UBE3C: variants seen among roughly 807,000 people sequenced by gnomAD.
UBE3C encodes the protein ubiquitin protein ligase E3C, also known as ubiquitin-protein ligase E3C.
A neutral mutation model predicts 129.4 loss-of-function variants in UBE3C; 42 were observed. The ratio of observed to expected loss-of-function variants is 0.32; its 90% CI spans 0.25 to 0.42. The LOEUF (loss-of-function observed/expected upper bound fraction) is 0.42. UBE3C is among the 10% of genes least tolerant of loss of function. The probability of loss-of-function intolerance (pLI) is 1.00; values close to 1 mark genes in which losing one functional copy is unlikely to be tolerated. For missense variants in UBE3C, 1,049 were observed against 1,319.1 expected (o/e 0.80, Z 3.17); for synonymous variants, 510 against 492.4 (o/e 1.04, Z -0.47).
intron 22 of UBE3C, among the ~76,000 whole-genome samples, chr7:157,262,442 A>G (rs1182210918): frequency 2.8e-5 from 1 of 35,846 alleles, no homozygotes; most frequent in Non-Finnish European, 5.2e-5. Context: ...TTTTTGAGAT[A>G]GAGTTTCGCT....
intron 18 of UBE3C, among the ~76,000 whole-genome samples, chr7:157,239,137 A>G (rs1182396): frequency 6.6e-6 from 1 of 152,000 alleles, no homozygotes; most frequent in African/African-American, 2.4e-5. Context: ...TGTACCTATT[A>G]ATTAGAATAC....
intron 14 of UBE3C, 30 bp from the exon 15 acceptor site, chr7:157,220,659 G>A (rs779563503): frequency 3.0e-5 from 49 of 1,613,302 alleles, no homozygotes; most frequent in Non-Finnish European, 3.9e-5. Context: ...AGAGCACAGG[G>A]GAGTTCTGAA....
At chr7:157,206,789 G>A (rs1330516437) in intron 11 of UBE3C, among the ~76,000 whole-genome samples, 1 of 110,834 alleles carries the variant, frequency 9.0e-6, no homozygotes, top group African/African-American at 6.0e-5. Flanking sequence ...CTCTTGATGG[G>A]TGAAAGGCTG....
At position 157,182,366 on chromosome 7, in the gene UBE3C, A is replaced by ATGG. The variant is rs761222014; in HGVS notation, c.991+39_991+41dup. 5.6e-5 allele frequency: 89 copies of ATGG among 1,592,554 alleles called. No individual in the cohort carries two copies. The East Asian group carries it at 1.9e-3, about 34-fold the overall frequency. On this transcript the variant is annotated intron_variant, in intron 8 of 22. Coordinates refer to ENST00000348165, the MANE Select transcript of UBE3C (RefSeq NM_014671.3). ...AGATCTTTTTTACCTGAACACACAT[A>ATGG]TGGGTAGCATTGGCAGATGAGTCAA...
chr7:157,239,018 G>T (rs1317286826), intron 18 of UBE3C, among the ~76,000 whole-genome samples: 3 of 152,176 alleles, frequency 2.0e-5, no homozygotes, highest in Non-Finnish European at 4.4e-5. Context: ...TTTCTGTGGC[G>T]TGGTGAAGGC....
intron 1 of UBE3C, among the ~76,000 whole-genome samples, chr7:157,152,364 G>C (rs1004547944): frequency 6.6e-6 from 1 of 152,120 alleles, no homozygotes; most frequent in Admixed American, 6.6e-5. Flanking sequence ...AGAGATGCGT[G>C]GGGGGCAGTT....
chr7:157,228,022 AATTT>A (rs1216101294), intron 17 of UBE3C, among the ~76,000 whole-genome samples: 3 of 152,254 alleles, frequency 2.0e-5, no homozygotes, highest in Non-Finnish European at 4.4e-5. Flanking sequence ...CAGAATAATT[AATTT>A]ACTTGTGAGA....
intron 5 of UBE3C, among the ~76,000 whole-genome samples, chr7:157,178,339 A>G (rs1808579378): frequency 6.6e-6 from 1 of 152,236 alleles, no homozygotes; most frequent in South Asian, 2.1e-4. Context: ...AGAGATTCGT[A>G]TCTGAGTTTA....
intron 1 of UBE3C, chr7:157,140,132 G>T (rs1464913270): frequency 1.7e-6 from 1 of 592,394 alleles, no homozygotes; most frequent in Non-Finnish European, 2.1e-6. Flanking sequence ...CCGCTAAGTC[G>T]TTGAACACTG....
chr7:157,158,500 C>T (rs1807979041), intron 1 of UBE3C, among the ~76,000 whole-genome samples: 1 of 152,102 alleles, frequency 6.6e-6, no homozygotes, highest in Non-Finnish European at 1.5e-5. Context: ...GCTAATTGGC[C>T]AAGTGGGAAG....
At position 157,267,698 on chromosome 7, in the gene UBE3C, T is replaced by C; in HGVS notation, c.3195T>C (p.Leu1065=). ...LKLPEFYDET[L]LRSKLLYAIE... Reference sequence around the variant, plus strand: ...TCCCCGAGTTCTATGACGAGACACTTTTGCGAAGTAAACTTCTCTATGCGA... The same window carrying C: ...TCCCCGAGTTCTATGACGAGACACTCTTGCGAAGTAAACTTCTCTATGCGA... Residue 1065 remains leucine, a synonymous_variant, in exon 23 of 23, where the codon CTT becomes CTC. Coordinates refer to ENST00000348165, the MANE Select transcript of UBE3C (RefSeq NM_014671.3). The C allele has an allele frequency of 6.2e-7, 1 of 1,613,386 alleles. No individual in the cohort carries two copies. Among genetic ancestry groups the C allele is most frequent in the Non-Finnish European group, 8.5e-7 (1 of 1,179,790 alleles).
At chr7:157,246,868 T>A (rs1796489637) in intron 18 of UBE3C, among the ~76,000 whole-genome samples, 1 of 152,094 alleles carries the variant, frequency 6.6e-6, no homozygotes, top group South Asian at 2.1e-4. Context: ...TCACTGTAAA[T>A]ACACATCTCT....
At chr7:157,204,198 T>A (rs1174483313) in intron 11 of UBE3C, among the ~76,000 whole-genome samples, 4 of 152,040 alleles carry the variant, frequency 2.6e-5, no homozygotes, top group Non-Finnish European at 5.9e-5. Context: ...GGGAATAAAG[T>A]TTAAAATGAA....
Position 157,254,043 on chromosome 7 carries a change from G to A in UBE3C, c.2784G>A (p.Leu928=). Residue 928 remains leucine, a synonymous_variant, in exon 20 of 23, where the codon CTG becomes CTA. Transcript: ENST00000348165. The part of the protein sequence containing the change: ...AYIHLVADYR[L]NRQIRQHCLA... ...TCCACTTGGTGGCAGACTACAGGCT[G>A]AACAGGCAGATCCGCCAGCACTGCC... 1 of 1,613,726 alleles carries A rather than the reference G, an allele frequency of 6.2e-7. No individual in the cohort carries two copies. The highest frequency in any genetic ancestry group is 8.5e-7 in the Non-Finnish European group (1 of 1,179,892).
In UBE3C at chr7:157,223,050, A is replaced by G. The variant is rs1479029499; in HGVS notation, c.2003-204A>G. On this transcript the variant is annotated intron_variant, in intron 15 of 22. Transcript: ENST00000348165. ...TTAGGACATCTTTAATATTCGATCA[A>G]GTTATGTGTTCGGGGAGCTACTGTG... 7.3e-5 allele frequency: 38 copies of G among 520,976 alleles called. No homozygotes were observed. The South Asian group carries it at 7.7e-4, about 11-fold the overall frequency. 32.3% of individuals were successfully genotyped at this position (520,976 alleles called of 1,614,324 possible). A position where few individuals can be genotyped will look rare whatever the true frequency, so the allele number is the denominator to read the frequency against.
chr7:157,190,857 T>G (rs568572178), intron 10 of UBE3C, among the ~76,000 whole-genome samples: 1 of 152,328 alleles, frequency 6.6e-6, no homozygotes, highest in East Asian at 1.9e-4. Flanking sequence ...AAGGCATATC[T>G]TGCATTTTCT....
At chr7:157,222,984 T>G in intron 15 of UBE3C, 1 of 334,590 alleles carries the variant, frequency 3.0e-6, no homozygotes, top group Admixed American at 4.6e-5. Flanking sequence ...GCTGTGCACT[T>G]GAGACGTGCT....
intron 18 of UBE3C, among the ~76,000 whole-genome samples, chr7:157,240,350 C>T (rs539174963): frequency 1.5e-4 from 23 of 152,142 alleles, no homozygotes; most frequent in South Asian, 2.1e-4. Context: ...CCATAGCACC[C>T]GGCCAGCAAG....
chr7:157,182,335 A>G lies in UBE3C; in HGVS notation c.991+7A>G, dbSNP rs1240664558. ...GTTGGCGAAAATTATTTGGGTATGAAATACAAGATCTTTTTTACCTGAACA... is the reference window on the plus strand; with the variant it reads ...GTTGGCGAAAATTATTTGGGTATGAGATACAAGATCTTTTTTACCTGAACA... On this transcript the variant is annotated splice_region_variant and intron_variant, in intron 8 of 22. Transcript: ENST00000348165. 1 of 1,612,902 alleles carries G rather than the reference A, an allele frequency of 6.2e-7. No individual in the cohort carries two copies.
Sources: allele counts gnomAD v4.1 joint callset (sites outside exome capture counted in the v4.1 genomes callset), GRCh38; gene constraint gnomAD v4.1.1; transcripts MANE v1.5; gene names NCBI Gene and HGNC (gene_info 2026-07-23, HGNC 2026-07-21).